The following NKAIN2 variants were observed in gnomAD, a reference collection of about 807,000 sequenced individuals.
NKAIN2 encodes sodium/potassium-transporting ATPase subunit beta-1-interacting protein 2.
Under a neutral mutation model 32.6 loss-of-function variants are expected in NKAIN2, and 14 were observed. The observed-to-expected ratio is 0.43, with a 90% CI of 0.28 to 0.67. The LOEUF (loss-of-function observed/expected upper bound fraction) is 0.67. Among genes scored for constraint, NKAIN2 ranks in the 30% least tolerant of loss-of-function variants. The pLI, the probability that NKAIN2 is intolerant of heterozygous loss-of-function variation, is 0.17. For missense variants in NKAIN2, 198 were observed against 258.3 expected (o/e 0.77, Z 1.60); for synonymous variants, 80 against 87.2 (o/e 0.92, Z 0.46).
At chr6:124,638,697 C>T (rs1783866151) in intron 3 of NKAIN2, among the ~76,000 whole-genome samples, 2 of 151,786 alleles carry the variant, frequency 1.3e-5, no homozygotes, top group African/African-American at 4.8e-5. Flanking sequence ...AGATCGAGAC[C>T]ATCCTGGCTA....
At chr6:124,521,987 G>A (rs1284393362) in intron 3 of NKAIN2, among the ~76,000 whole-genome samples, 2 of 152,026 alleles carry the variant, frequency 1.3e-5, no homozygotes, top group East Asian at 1.9e-4. Flanking sequence ...AAATGAAAAT[G>A]TATCTTGCTT....
intron 1 of NKAIN2, among the ~76,000 whole-genome samples, chr6:123,828,015 C>T (rs190454383): frequency 9.9e-4 from 150 of 152,146 alleles, no homozygotes; most frequent in African/African-American, 3.5e-3. Context: ...AATTTTACTT[C>T]CCATTTGCCT....
At chr6:124,616,608 C>G (rs1257944447) in intron 3 of NKAIN2, among the ~76,000 whole-genome samples, 10 of 149,696 alleles carry the variant, frequency 6.7e-5, no homozygotes, top group Admixed American at 2.7e-4. Flanking sequence ...GGGACTACAG[C>G]CGCCCGCCAC....
At chr6:124,703,652 G>C (rs1161596831) in intron 4 of NKAIN2, among the ~76,000 whole-genome samples, 2 of 151,992 alleles carry the variant, frequency 1.3e-5, no homozygotes, top group Non-Finnish European at 2.9e-5. Context: ...AGTCCCACGA[G>C]CACAAGCCTA....
chr6:124,165,616 T>G (rs1788494013), intron 1 of NKAIN2, among the ~76,000 whole-genome samples: 2 of 151,030 alleles, frequency 1.3e-5, no homozygotes, highest in South Asian at 4.2e-4. Flanking sequence ...GCTGCACCCA[T>G]TAACTCGTCA....
chr6:124,750,536 G>A (rs979128927), intron 4 of NKAIN2, among the ~76,000 whole-genome samples: 1 of 151,634 alleles, frequency 6.6e-6, no homozygotes, highest in Admixed American at 6.6e-5. Flanking sequence ...TGGATGGATG[G>A]ATGGATGGAT....
At chr6:124,307,561 A>G (rs1796556499) in intron 2 of NKAIN2, among the ~76,000 whole-genome samples, 1 of 152,194 alleles carries the variant, frequency 6.6e-6, no homozygotes, top group South Asian at 2.1e-4. Context: ...CTTACAATCA[A>G]TAACCATGTG....
intron 1 of NKAIN2, among the ~76,000 whole-genome samples, chr6:124,050,400 C>T (rs1337990148): frequency 1.3e-5 from 2 of 151,930 alleles, no homozygotes; most frequent in African/African-American, 4.8e-5. Flanking sequence ...AAGAGTAGAA[C>T]CTGTGTCACA....
chr6:123,934,937 C>T (rs1776429746), intron 1 of NKAIN2, among the ~76,000 whole-genome samples: 2 of 150,914 alleles, frequency 1.3e-5, no homozygotes, highest in Admixed American at 6.6e-5. Flanking sequence ...TCCTAAAAGA[C>T]AGAATTTTCA....
chr6:124,104,842 T>TCC (rs1785044426), intron 1 of NKAIN2, among the ~76,000 whole-genome samples: 1 of 152,186 alleles, frequency 6.6e-6, no homozygotes, highest in South Asian at 2.1e-4. Context: ...CAGCAGGATA[T>TCC]CCCACTGGTC....
chr6:124,637,379 A>T (rs1317873147), intron 3 of NKAIN2, among the ~76,000 whole-genome samples: 1 of 152,012 alleles, frequency 6.6e-6, no homozygotes, highest in African/African-American at 2.4e-5. Flanking sequence ...ATAGTACTAA[A>T]ATGTCTAGCA....
intron 4 of NKAIN2, among the ~76,000 whole-genome samples, chr6:124,789,283 C>T (rs1779639188): frequency 6.6e-6 from 1 of 151,928 alleles, no homozygotes; most frequent in Admixed American, 6.6e-5. Flanking sequence ...TTTTTTAAAA[C>T]AGTTTGTAAT....
Position 124,779,239 on chromosome 6 carries a change from AAC to A in NKAIN2, c.475-12098_475-12097del, listed in dbSNP as rs1382827065. On this transcript the variant is annotated intron_variant, in intron 4 of 6. Transcript: ENST00000368417. The stretch of plus-strand genomic sequence containing the variant: ...AGCCTGGGCGACAGAGCCAGACTCC[AAC>A]AAAGAAAGAGAGAGAGAGAGAGAGA... 1.2e-3 allele frequency among the ~76,000 whole-genome samples: 91 copies of A among 78,002 alleles called. 1 individual carries two copies. The highest frequency in any genetic ancestry group is 5.2e-3 in the African/African-American group (90 of 17,176). The allele number at this position is 78,002 out of a possible 152,430, so 51.2% of individuals were successfully genotyped here. A position where few individuals can be genotyped will look rare whatever the true frequency, so the allele number is the denominator to read the frequency against.
Position 124,021,088 on chromosome 6 carries a change from CCTTT to C in NKAIN2, c.54+216837_54+216840del, listed in dbSNP as rs200937170. On this transcript the variant is annotated intron_variant, in intron 1 of 6. Coordinates refer to ENST00000368417, the MANE Select transcript of NKAIN2 (RefSeq NM_001040214.3). Reference sequence around the variant, plus strand: ...AATTGAGTAAAAGCACAATTCTTTGCCTTTCTACTTGTACTTTTTAAATTGAATC... The same window carrying C: ...AATTGAGTAAAAGCACAATTCTTTGCCTACTTGTACTTTTTAAATTGAATC... Among the ~76,000 whole-genome samples the C allele has an allele frequency of 3.6e-3, 544 of 152,082 alleles. 1 individual carries two copies. Among genetic ancestry groups the C allele is most frequent in the South Asian group, 1.0e-2 (48 of 4,822 alleles).
chr6:124,779,889 T>G (rs192982124), intron 4 of NKAIN2, among the ~76,000 whole-genome samples: 36 of 152,248 alleles, frequency 2.4e-4, no homozygotes, highest in Middle Eastern at 3.4e-3. Flanking sequence ...TAAAACACAA[T>G]GAGCAAAAAT....
At chr6:123,991,843 G>A (rs1266869115) in intron 1 of NKAIN2, among the ~76,000 whole-genome samples, 3 of 151,918 alleles carry the variant, frequency 2.0e-5, no homozygotes, top group South Asian at 2.1e-4. Flanking sequence ...CAGCCTGGGC[G>A]ACATAGCGAG....
intron 1 of NKAIN2, among the ~76,000 whole-genome samples, chr6:123,834,556 T>C (rs1377458514): frequency 6.6e-6 from 1 of 152,210 alleles, no homozygotes; most frequent in African/African-American, 2.4e-5. Flanking sequence ...TCTGTGTATT[T>C]TAATTCATTT....
chr6:124,576,534 GT>G (rs1003724793), intron 3 of NKAIN2, among the ~76,000 whole-genome samples: 8 of 152,138 alleles, frequency 5.3e-5, no homozygotes, highest in Non-Finnish European at 7.3e-5. Context: ...ATTAAGAATC[GT>G]TTTATATTTT....
At chr6:124,174,141 T>C (rs1263680628) in intron 1 of NKAIN2, among the ~76,000 whole-genome samples, 1 of 152,168 alleles carries the variant, frequency 6.6e-6, no homozygotes, top group Non-Finnish European at 1.5e-5. Flanking sequence ...TTTAAAGGAA[T>C]ATTTGATATG....
Sources: gnomAD v4.1 joint callset for allele counts (sites outside exome capture counted in the v4.1 genomes callset) on GRCh38, gnomAD v4.1.1 for gene constraint, MANE v1.5 for transcripts, NCBI Gene and HGNC (gene_info 2026-07-23, HGNC 2026-07-21) for gene names.